The following WDR27 variants were observed in gnomAD, a reference collection of about 807,000 sequenced individuals.
The protein encoded by WDR27 is WD repeat-containing protein 27.
WDR27 carries 100 observed loss-of-function variants against 114.4 expected under a neutral mutation model. That is an observed-to-expected ratio of 0.87 (90% CI 0.74 to 1.03). The LOEUF is 1.03. Ranked by LOEUF, WDR27 falls within the 50% of genes least tolerant of loss-of-function variation. WDR27 has a pLI of 0.00. For synonymous variants in WDR27, 449 were observed against 423.1 expected (o/e 1.06, Z -0.75); for missense variants, 1,129 against 1,092.9 (o/e 1.03, Z -0.47).
the WDR27 span, among the ~76,000 whole-genome samples, chr6:169,450,540 G>A: frequency 6.6e-6 from 1 of 152,222 alleles, no homozygotes; most frequent in Non-Finnish European, 1.5e-5. Flanking sequence ...TAAGGGAAAT[G>A]TATTGAGATA....
At chr6:169,469,803 T>G (rs918055143) in intron 25 of WDR27, among the ~76,000 whole-genome samples, 1 of 152,256 alleles carries the variant, frequency 6.6e-6, no homozygotes, top group Non-Finnish European at 1.5e-5. Flanking sequence ...ATGTTTCCAC[T>G]GGTATAATCC....
chr6:169,534,713 C>A (rs1796017424), intron 25 of WDR27, among the ~76,000 whole-genome samples: 1 of 151,468 alleles, frequency 6.6e-6, no homozygotes, highest in Non-Finnish European at 1.5e-5. Flanking sequence ...TTTTTAAAAT[C>A]TCTATAAAGT....
intron 13 of WDR27, among the ~76,000 whole-genome samples, chr6:169,653,517 C>A (rs1823172677): frequency 1.3e-5 from 2 of 152,102 alleles, no homozygotes; most frequent in South Asian, 4.2e-4. Context: ...ATGTGCAAGA[C>A]CATATTATTT....
intron 25 of WDR27, among the ~76,000 whole-genome samples, chr6:169,512,983 TAAAG>T (rs891134349): frequency 2.0e-5 from 3 of 152,166 alleles, no homozygotes; most frequent in Non-Finnish European, 4.4e-5. Flanking sequence ...TTTCACGAAA[TAAAG>T]AATACATTAA....
chr6:169,605,079 T>G (rs1296717653), intron 22 of WDR27, among the ~76,000 whole-genome samples: 3 of 124,052 alleles, frequency 2.4e-5, no homozygotes, highest in Non-Finnish European at 4.7e-5. Flanking sequence ...TTCAATATAG[T>G]CCTAGAAGTC....
chr6:169,655,479 C>T (rs1026371823), intron 13 of WDR27, among the ~76,000 whole-genome samples: 1 of 152,222 alleles, frequency 6.6e-6, no homozygotes, highest in Non-Finnish European at 1.5e-5. Context: ...TATATCCAGA[C>T]AACAGAACGC....
Position 169,689,008 on chromosome 6 carries a change from T to C in WDR27, c.-3A>G. On this transcript the variant is annotated 5_prime_UTR_variant, in exon 2 of 26. The change abolishes the stop of an existing upstream ORF in the 5' untranslated region. Transcript: ENST00000448612. Reference sequence around the variant, plus strand: ...AAAATGTCTTGGGGATTTTCCATCTTCAATCTGAAAACAAAAAGTACATAT... The same window carrying C: ...AAAATGTCTTGGGGATTTTCCATCTCCAATCTGAAAACAAAAAGTACATAT... The C allele has an allele frequency of 6.2e-7, 1 of 1,608,338 alleles. No homozygotes were observed. The highest frequency in any genetic ancestry group is 1.1e-5 in the South Asian group (1 of 90,082).
At chr6:169,528,998 TACTC>T (rs1161287786) in intron 25 of WDR27, among the ~76,000 whole-genome samples, 2 of 152,178 alleles carry the variant, frequency 1.3e-5, no homozygotes, top group East Asian at 3.9e-4. Flanking sequence ...TAAGAGAAAA[TACTC>T]ACCCTAGTAT....
At chr6:169,482,896 C>T (rs1788386389) in intron 25 of WDR27, among the ~76,000 whole-genome samples, 1 of 152,156 alleles carries the variant, frequency 6.6e-6, no homozygotes, top group African/African-American at 2.4e-5. Flanking sequence ...CCAAACCATA[C>T]AATTACATGG....
chr6:169,509,232 C>T (rs559641682), intron 25 of WDR27, among the ~76,000 whole-genome samples: 1 of 152,258 alleles, frequency 6.6e-6, no homozygotes, highest in African/African-American at 2.4e-5. Flanking sequence ...TCAATGCCAT[C>T]CCCATCAAGC....
intron 21 of WDR27, among the ~76,000 whole-genome samples, chr6:169,626,605 T>C (rs1191943475): frequency 6.6e-6 from 1 of 152,174 alleles, no homozygotes; most frequent in Non-Finnish European, 1.5e-5. Flanking sequence ...ACCTCCTGCC[T>C]CTGACCTGGA....
intron 24 of WDR27, among the ~76,000 whole-genome samples, chr6:169,577,761 T>G (rs1802659165): frequency 1.3e-5 from 2 of 152,140 alleles, no homozygotes; most frequent in African/African-American, 4.8e-5. Context: ...TCCAAGACAT[T>G]CGCCGCAGCA....
chr6:169,551,526 C>G (rs6459648), intron 25 of WDR27, among the ~76,000 whole-genome samples: 152,162 of 152,164 alleles, frequency 1, 76,080 homozygotes, highest in Non-Finnish European at 1. Flanking sequence ...CCTGAGGTCA[C>G]GAGTTCGAGA....
chr6:169,469,604 G>T (rs1021981314), intron 25 of WDR27, among the ~76,000 whole-genome samples: 1 of 152,178 alleles, frequency 6.6e-6, no homozygotes, highest in South Asian at 2.1e-4. Context: ...TGCCTGATGG[G>T]GCCTGTGGTG....
intron 25 of WDR27, among the ~76,000 whole-genome samples, chr6:169,548,625 G>A (rs1198851175): frequency 1.3e-5 from 2 of 152,080 alleles, no homozygotes; most frequent in Non-Finnish European, 2.9e-5. Flanking sequence ...AAAGTTGAAG[G>A]GGTAACAGTT....
chr6:169,559,952 T>A (rs1355752825), intron 25 of WDR27: 2 of 152,238 alleles, frequency 1.3e-5, no homozygotes, highest in Non-Finnish European at 2.9e-5. Context: ...TAATGAGGTA[T>A]CCGCTTGTTA....
chr6:169,450,045 C>G, the WDR27 span, among the ~76,000 whole-genome samples: 91 of 152,242 alleles, frequency 6.0e-4, no homozygotes, highest in Middle Eastern at 0.01. Flanking sequence ...TCACACTCAC[C>G]AAAATCTATT....
chr6:169,541,273 C>A (rs551506846), intron 25 of WDR27, among the ~76,000 whole-genome samples: 1 of 152,156 alleles, frequency 6.6e-6, no homozygotes, highest in East Asian at 1.9e-4. Flanking sequence ...AACAGTAGAA[C>A]AAACCAATAT....
chr6:169,683,985 C>T (rs916651970), intron 2 of WDR27, among the ~76,000 whole-genome samples: 3 of 152,202 alleles, frequency 2.0e-5, no homozygotes, highest in African/African-American at 4.8e-5. Flanking sequence ...CTCCAACATG[C>T]CCTGCTCTGG....
Sources: allele counts gnomAD v4.1 joint callset (sites outside exome capture counted in the v4.1 genomes callset), GRCh38; gene constraint gnomAD v4.1.1; transcripts MANE v1.5; gene names NCBI Gene and HGNC (gene_info 2026-07-23, HGNC 2026-07-21).